The following CCNY variants were observed in gnomAD, a reference collection of about 807,000 sequenced individuals.
The protein encoded by CCNY is cyclin Y, also known as cyclin-Y.
In CCNY, 19 loss-of-function variants were observed where a neutral mutation model predicts 42.8. The observed-to-expected ratio is 0.44, with a 90% CI of 0.31 to 0.65. The LOEUF is 0.65. Among genes scored for constraint, CCNY ranks in the 30% least tolerant of loss-of-function variants. The probability of loss-of-function intolerance (pLI) is 0.07; values close to 1 mark genes in which losing one functional copy is unlikely to be tolerated. For synonymous variants in CCNY, 165 were observed against 162.7 expected, an observed-to-expected ratio of 1.01 and a Z score of -0.11; for missense variants, 370 against 437.3, an observed-to-expected ratio of 0.85 and a Z score of 1.37.
At chr10:35,488,953 T>A (rs1325915078) in intron 2 of CCNY, among the ~76,000 whole-genome samples, 1 of 152,218 alleles carries the variant, frequency 6.6e-6, no homozygotes, top group Admixed American at 6.5e-5. Context: ...TTTTGAAAAG[T>A]CATTTATCAC....
At chr10:35,499,162 G>A (rs1176922808) in intron 2 of CCNY, among the ~76,000 whole-genome samples, 1 of 151,254 alleles carries the variant, frequency 6.6e-6, no homozygotes, top group Non-Finnish European at 1.5e-5. Context: ...GTATTAGTAT[G>A]TTTTCACACT....
At chr10:35,297,683 C>A (rs751564770) in intron 3 of CCNY, among the ~76,000 whole-genome samples, 1 of 152,042 alleles carries the variant, frequency 6.6e-6, no homozygotes, top group Non-Finnish European at 1.5e-5. Context: ...AATAGCATTC[C>A]TAAACACCAA....
intron 3 of CCNY, among the ~76,000 whole-genome samples, chr10:35,256,757 A>AAAC (rs1554963105): frequency 3.7e-4 from 56 of 150,720 alleles, no homozygotes; most frequent in Non-Finnish European, 6.3e-4. Flanking sequence ...AAAAAAAAAA[A>AAAC]AAAAATTCCA....
intron 1 of CCNY, among the ~76,000 whole-genome samples, chr10:35,433,069 G>T (rs796356629): frequency 2.6e-5 from 4 of 152,304 alleles, no homozygotes; most frequent in African/African-American, 9.6e-5. Flanking sequence ...TGTAGGCTGG[G>T]CACGGTGGCT....
intron 1 of CCNY, among the ~76,000 whole-genome samples, chr10:35,461,366 G>GA (rs1839154081): frequency 6.6e-6 from 1 of 152,168 alleles, no homozygotes; most frequent in African/African-American, 2.4e-5. Flanking sequence ...TTAGTGAATG[G>GA]AAAATTACTA....
At chr10:35,464,058 G>C (rs747991249) in intron 1 of CCNY, among the ~76,000 whole-genome samples, 53 of 152,128 alleles carry the variant, frequency 3.5e-4, no homozygotes, top group Admixed American at 5.2e-4. Context: ...AAAGAGGAGC[G>C]GTGTCAGGCA....
In CCNY at chr10:35,571,190, A is replaced by G. The variant is rs933610818; in HGVS notation, c.*2020A>G. 3 of 152,210 alleles carry G rather than the reference A, an allele frequency of 2.0e-5. No individual in the cohort carries two copies. Among genetic ancestry groups the G allele is most frequent in the Non-Finnish European group, 2.9e-5 (2 of 68,024 alleles). 9.4% of individuals were successfully genotyped at this position (152,210 alleles called of 1,614,324 possible). ...ATTTTACCAATCCATTTCAGGAAAGAGGTTCTGCTGCCGTAAAGGCAGAAA... is the reference window on the plus strand; with the variant it reads ...ATTTTACCAATCCATTTCAGGAAAGGGGTTCTGCTGCCGTAAAGGCAGAAA... On this transcript the variant is annotated 3_prime_UTR_variant, in exon 10 of 10. Coordinates refer to ENST00000374704, the MANE Select transcript of CCNY (RefSeq NM_145012.6).
At chr10:35,559,487 C>T (rs1010125338) in intron 8 of CCNY, among the ~76,000 whole-genome samples, 1 of 152,222 alleles carries the variant, frequency 6.6e-6, no homozygotes, top group Non-Finnish European at 1.5e-5. Context: ...AATCTCAAAT[C>T]TTCTAATCTC....
Position 35,566,115 on chromosome 10 carries a change from C to G in CCNY, c.839C>G (p.Ser280Cys), listed in dbSNP as rs373110739. 11 of 1,614,214 alleles carry G rather than the reference C, an allele frequency of 6.8e-6. No individual in the cohort carries two copies. The East Asian group carries it at 1.6e-4, about 23-fold the overall frequency. ...VYAKYYFDLRSLAEANNLSFP... is the reference protein window; with the variant it reads ...VYAKYYFDLRCLAEANNLSFP... ...GCCAAGTATTATTTTGATCTTCGTT[C>G]TCTGGCAGAAGCGAACAACCTGAGC... Residue 280 changes from serine (S) to cysteine (C), a missense_variant, in exon 9 of 10, where the codon TCT becomes TGT. Transcript: ENST00000374704.
intron 3 of CCNY, among the ~76,000 whole-genome samples, chr10:35,265,126 T>C (rs12261843): frequency 6.6e-6 from 1 of 151,930 alleles, no homozygotes; most frequent in Non-Finnish European, 1.5e-5. Flanking sequence ...GGAGGGATGA[T>C]AGCAAGAGAA....
intron 3 of CCNY, among the ~76,000 whole-genome samples, chr10:35,290,992 T>C (rs1000995262): frequency 6.6e-6 from 1 of 152,006 alleles, no homozygotes; most frequent in Non-Finnish European, 1.5e-5. Context: ...TTCCTTTAAA[T>C]GGAATCATGA....
rs1355204253 is a variant in CCNY at position 35,525,923 on chromosome 10, T to C, written c.366-41T>C. ...GCCAGGTAATGTGTAAGGTCTTGAATATGCTCATGGACACTGAACCTCTGC... is the reference window on the plus strand; with the variant it reads ...GCCAGGTAATGTGTAAGGTCTTGAACATGCTCATGGACACTGAACCTCTGC... On this transcript the variant is annotated intron_variant, in intron 4 of 9. Coordinates refer to ENST00000374704, the MANE Select transcript of CCNY (RefSeq NM_145012.6). 1.9e-6 allele frequency: 3 copies of C among 1,587,598 alleles called. No homozygotes were observed. The Admixed American group carries it at 5.3e-5, about 28-fold the overall frequency.
rs897185761 is a variant in CCNY at position 35,571,873 on chromosome 10, A to T, written c.*2703A>T. On this transcript the variant is annotated 3_prime_UTR_variant, in exon 10 of 10. Coordinates refer to ENST00000374704, the MANE Select transcript of CCNY (RefSeq NM_145012.6). ...AGGAAACGACACAATTTGTTACTTT[A>T]ATTTTATATTTGATTTAAACAACAA... The T allele has an allele frequency of 4.6e-5, 7 of 152,366 alleles. No homozygotes were observed. The highest frequency in any genetic ancestry group is 1.7e-4 in the African/African-American group (7 of 41,464). 9.4% of individuals were successfully genotyped at this position (152,366 alleles called of 1,614,324 possible).
chr10:35,538,394 T>C (rs1840929018), intron 7 of CCNY, among the ~76,000 whole-genome samples: 2 of 152,244 alleles, frequency 1.3e-5, no homozygotes, highest in African/African-American at 4.8e-5. Context: ...TTGACTGTTT[T>C]TCAAAGTGAC....
At chr10:35,544,898 T>A (rs1649134252) in intron 7 of CCNY, among the ~76,000 whole-genome samples, 1 of 152,220 alleles carries the variant, frequency 6.6e-6, no homozygotes, top group Non-Finnish European at 1.5e-5. Context: ...TTCTTTCTCT[T>A]CTGCTTATAT....
chr10:35,408,930 C>G (rs561674074), intron 1 of CCNY, among the ~76,000 whole-genome samples: 93 of 151,694 alleles, frequency 6.1e-4, no homozygotes, highest in Non-Finnish European at 9.9e-4. Context: ...CTCCCATTAC[C>G]CTGCTCAATT....
chr10:35,461,248 T>A (rs1351480632), intron 1 of CCNY, among the ~76,000 whole-genome samples: 2 of 152,082 alleles, frequency 1.3e-5, no homozygotes, highest in Non-Finnish European at 2.9e-5. Context: ...TCTCGATAGG[T>A]AGAGGGACTG....
intron 1 of CCNY, among the ~76,000 whole-genome samples, chr10:35,383,893 C>G (rs1461003209): frequency 1.3e-5 from 2 of 152,136 alleles, no homozygotes; most frequent in Non-Finnish European, 1.5e-5. Context: ...CTGCACTACT[C>G]TAAGCACTTT....
intron 1 of CCNY, among the ~76,000 whole-genome samples, chr10:35,479,489 A>G (rs1468804547): frequency 7.0e-6 from 1 of 143,586 alleles, no homozygotes; most frequent in Non-Finnish European, 1.5e-5. Flanking sequence ...CATCATTCTC[A>G]GTAAACTATC....
Sources: gnomAD v4.1 joint callset for allele counts (sites outside exome capture counted in the v4.1 genomes callset) on GRCh38, gnomAD v4.1.1 for gene constraint, MANE v1.5 for transcripts, NCBI Gene and HGNC (gene_info 2026-07-23, HGNC 2026-07-21) for gene names.